The following SSBP2 variants were observed in gnomAD, a reference collection of about 807,000 sequenced individuals.
SSBP2 encodes single-stranded DNA-binding protein 2.
A neutral mutation model predicts 61.8 loss-of-function variants in SSBP2; 17 were observed. The observed-to-expected ratio is 0.28, with a 90% confidence interval of 0.19 to 0.41. The LOEUF (loss-of-function observed/expected upper bound fraction) is 0.41. Ranked by LOEUF, SSBP2 falls within the 10% of genes least tolerant of loss-of-function variation. The probability of loss-of-function intolerance (pLI) is 1.00; values close to 1 mark genes in which losing one functional copy is unlikely to be tolerated. For missense variants in SSBP2, 310 were observed against 458.7 expected, an observed-to-expected ratio of 0.68 and a Z score of 2.96; for synonymous variants, 139 against 141.3, an observed-to-expected ratio of 0.98 and a Z score of 0.12.
intron 15 of SSBP2, 27 bp from the exon 16 acceptor site, chr5:81,428,710 C>T: frequency 1.9e-6 from 3 of 1,570,664 alleles, no homozygotes; most frequent in Non-Finnish European, 2.6e-6. Flanking sequence ...GAAAACAAGG[C>T]ATTGTTGAAA....
chr5:81,644,158 A>G (rs1162990269), intron 2 of SSBP2, among the ~76,000 whole-genome samples: 1 of 152,244 alleles, frequency 6.6e-6, no homozygotes, highest in Non-Finnish European at 1.5e-5. Flanking sequence ...GACCATTTCT[A>G]TAATCACAGA....
At chr5:81,624,483 C>G (rs1029697231) in intron 3 of SSBP2, among the ~76,000 whole-genome samples, 4 of 151,934 alleles carry the variant, frequency 2.6e-5, no homozygotes, top group Non-Finnish European at 5.9e-5. Context: ...GTTGAGCATC[C>G]CAAATCTGAA....
chr5:81,710,438 G>A (rs1385634892), intron 1 of SSBP2, among the ~76,000 whole-genome samples: 1 of 152,042 alleles, frequency 6.6e-6, no homozygotes, highest in Non-Finnish European at 1.5e-5. Context: ...ATGGGAAGAT[G>A]ATGAATTTTT....
intron 5 of SSBP2, among the ~76,000 whole-genome samples, chr5:81,505,732 C>CTT (rs1412999339): frequency 6.6e-6 from 1 of 152,072 alleles, no homozygotes; most frequent in African/African-American, 2.4e-5. Context: ...AACTATGATG[C>CTT]TTTATTGTTT....
intron 1 of SSBP2, among the ~76,000 whole-genome samples, chr5:81,718,538 C>T (rs1159195061): frequency 6.6e-6 from 1 of 152,098 alleles, no homozygotes; most frequent in East Asian, 1.9e-4. Context: ...AAAAAAACAT[C>T]CCTACATTCA....
At chr5:81,551,509 A>G (rs2154129986) in intron 4 of SSBP2, among the ~76,000 whole-genome samples, 1 of 152,310 alleles carries the variant, frequency 6.6e-6, no homozygotes, top group South Asian at 2.1e-4. Flanking sequence ...TCAGTCTACA[A>G]TCAGTCTTTC....
chr5:81,634,547 T>C (rs759009562), intron 3 of SSBP2, among the ~76,000 whole-genome samples: 10 of 152,222 alleles, frequency 6.6e-5, no homozygotes, highest in Non-Finnish European at 1.5e-4. Flanking sequence ...TTTCAAATTT[T>C]TTACAGAGTT....
intron 1 of SSBP2, among the ~76,000 whole-genome samples, chr5:81,728,427 T>C (rs955025963): frequency 9.2e-5 from 14 of 152,220 alleles, no homozygotes; most frequent in South Asian, 4.1e-4. Context: ...TTCAGTTCCT[T>C]CTATAACAGA....
intron 10 of SSBP2, among the ~76,000 whole-genome samples, chr5:81,449,788 T>A (rs1763647818): frequency 6.6e-6 from 1 of 152,224 alleles, no homozygotes; most frequent in Admixed American, 6.5e-5. Context: ...CCTTATTTGG[T>A]GTTCTTGCTT....
chr5:81,711,633 GATAA>G (rs1487017902), intron 1 of SSBP2, among the ~76,000 whole-genome samples: 2 of 151,246 alleles, frequency 1.3e-5, no homozygotes, highest in South Asian at 2.1e-4. Flanking sequence ...TACTATTTAT[GATAA>G]ATAAAGCCTA....
At chr5:81,547,632 A>G (rs1402101922) in intron 4 of SSBP2, among the ~76,000 whole-genome samples, 1 of 152,010 alleles carries the variant, frequency 6.6e-6, no homozygotes, top group African/African-American at 2.4e-5. Flanking sequence ...ATGTCTAGCT[A>G]ATTTTTTTGT....
At chr5:81,448,753 T>A (rs1301642890) in intron 11 of SSBP2, 37 bp downstream of exon 11, 1 of 1,592,398 alleles carries the variant, frequency 6.3e-7, no homozygotes, top group South Asian at 1.1e-5. Flanking sequence ...AAATGTAACA[T>A]CAATTCTTAT....
intron 1 of SSBP2, among the ~76,000 whole-genome samples, chr5:81,652,533 C>T (rs1334541999): frequency 6.6e-6 from 1 of 152,086 alleles, no homozygotes. Context: ...TGTGGCAGCT[C>T]ATTGTTACCA....
At chr5:81,674,044 A>G (rs930786003) in intron 1 of SSBP2, among the ~76,000 whole-genome samples, 1 of 152,194 alleles carries the variant, frequency 6.6e-6, no homozygotes, top group East Asian at 1.9e-4. Flanking sequence ...ATTTAATCCT[A>G]TCATTACTAA....
chr5:81,732,317 TTAG>T (rs1756325897), intron 1 of SSBP2, among the ~76,000 whole-genome samples: 1 of 152,154 alleles, frequency 6.6e-6, no homozygotes, highest in South Asian at 2.1e-4. Flanking sequence ...GTACTAAAAA[TTAG>T]TAGTCTTTAT....
intron 4 of SSBP2, among the ~76,000 whole-genome samples, chr5:81,566,701 G>A (rs1378956482): frequency 2.0e-5 from 3 of 152,144 alleles, no homozygotes; most frequent in East Asian, 1.9e-4. Flanking sequence ...AAGAACACAG[G>A]AAAATGTGGG....
intron 5 of SSBP2, among the ~76,000 whole-genome samples, chr5:81,507,566 A>G (rs1381251128): frequency 6.6e-6 from 1 of 152,144 alleles, no homozygotes. Context: ...GATATTATCC[A>G]CATTAGCACC....
At chr5:81,617,747 G>A (rs1476928058) in intron 3 of SSBP2, among the ~76,000 whole-genome samples, 7 of 91,930 alleles carry the variant, frequency 7.6e-5, no homozygotes, top group East Asian at 3.6e-4. Flanking sequence ...GACTAACAGC[G>A]GATCTCTCGG....
At chr5:81,432,777 C>T (rs564071859) in intron 15 of SSBP2, among the ~76,000 whole-genome samples, 153 of 123,404 alleles carry the variant, frequency 1.2e-3, no homozygotes, top group African/African-American at 4.8e-3. Context: ...AGCCCCCGCC[C>T]GGCCAGCTGC....
Sources: gnomAD v4.1 joint callset for allele counts (sites outside exome capture counted in the v4.1 genomes callset) on GRCh38, gnomAD v4.1.1 for gene constraint, MANE v1.5 for transcripts, NCBI Gene and HGNC (gene_info 2026-07-23, HGNC 2026-07-21) for gene names.